The following IFNAR2 variants were observed in gnomAD, a reference collection of about 807,000 sequenced individuals.
The protein encoded by IFNAR2 is interferon alpha/beta receptor 2.
Under a neutral mutation model 49.4 loss-of-function variants are expected in IFNAR2, and 30 were observed. The observed-to-expected ratio is 0.61, with a 90% CI of 0.45 to 0.82. The LOEUF is 0.82. Ranked by LOEUF, IFNAR2 falls within the 40% of genes least tolerant of loss-of-function variation. The probability of loss-of-function intolerance (pLI) is 0.00; values close to 1 mark genes in which losing one functional copy is unlikely to be tolerated. For synonymous variants in IFNAR2, 224 were observed against 234.5 expected (o/e 0.96, Z 0.41); for missense variants, 600 against 622.7 (o/e 0.96, Z 0.39).
chr21:33,234,726 CCA>C (rs1234850710), intron 1 of IFNAR2: 1 of 984,674 alleles, frequency 1.0e-6, no homozygotes, highest in Non-Finnish European at 1.2e-6. Context: ...ATGGAGAAGG[CCA>C]CAGTGTCACA....
rs138202454 is a variant in IFNAR2, at chr21:33,252,916, G to T, written c.709+86G>T. 214 of 1,089,034 alleles carry T rather than the reference G, an allele frequency of 2.0e-4. No individual in the cohort carries two copies. In the African/African-American group the frequency reaches 3.0e-3, roughly 15 times the overall value. The allele number at this position is 1,089,034 out of a possible 1,614,324, so 67.5% of individuals were successfully genotyped here. On this transcript the variant is annotated intron_variant, in intron 7 of 8. Coordinates refer to ENST00000342136, the MANE Select transcript of IFNAR2 (RefSeq NM_001289125.3). Reference sequence around the variant, plus strand: ...CTATTTAAAGAAAAGAATCTGAAAAGAATTCATGGAGCACTAAAGGTCTTT... The same window carrying T: ...CTATTTAAAGAAAAGAATCTGAAAATAATTCATGGAGCACTAAAGGTCTTT...
intron 5 of IFNAR2, 139 bp from the exon 6 acceptor site, chr21:33,248,570 G>C (rs1305014789): frequency 4.8e-6 from 3 of 619,102 alleles, no homozygotes; most frequent in Non-Finnish European, 7.9e-6. Context: ...TAGTGGAATA[G>C]CATTAGCAAT....
In IFNAR2 at chr21:33,265,511, A is replaced by G. The variant is rs533371084; in HGVS notation, c.*2011A>G. ...ATTGAATCAATTTATCTGCCTTCTC[A>G]GTGCATCTGTCATATTCTGAAAGAT... is the stretch of plus-strand genomic sequence containing the variant. On this transcript the variant is annotated 3_prime_UTR_variant, in exon 9 of 9. Transcript: ENST00000342136. 2.6e-4 allele frequency: 40 copies of G among 156,120 alleles called. No homozygotes were observed. Among genetic ancestry groups the G allele is most frequent in the Non-Finnish European group, 4.4e-4 (31 of 69,818 alleles). The allele number at this position is 156,120 out of a possible 1,614,324, so 9.7% of individuals were successfully genotyped here.
chr21:33,252,521 G>T, intron 6 of IFNAR2, 141 bp from the exon 7 acceptor site: 1 of 1,442,120 alleles, frequency 6.9e-7, no homozygotes. Flanking sequence ...ACTTGCTCCA[G>T]ATGACTTATA....
chr21:33,235,308 T>C (rs1986364769), intron 1 of IFNAR2, among the ~76,000 whole-genome samples: 1 of 152,180 alleles, frequency 6.6e-6, no homozygotes, highest in African/African-American at 2.4e-5. Flanking sequence ...TTTACCCAGC[T>C]GCTACTCAAG....
chr21:33,257,782 G>A (rs1988307018), intron 7 of IFNAR2, among the ~76,000 whole-genome samples: 1 of 152,146 alleles, frequency 6.6e-6, no homozygotes. Context: ...GCAGACACGT[G>A]CGGCAGCAGT....
At position 33,230,067 on chromosome 21, in the gene IFNAR2, C is replaced by A; in HGVS notation, c.-233C>A. ...CAGCCCGCGGACCACCACCCGGCCG[C>A]ACGGGCCGCTTTTGTCCCCCGCCCG... On this transcript the variant is annotated 5_prime_UTR_variant, in exon 1 of 9. Coordinates refer to ENST00000342136, the MANE Select transcript of IFNAR2 (RefSeq NM_001289125.3). This position sits in a 1 kb window ranked among gnomAD's most constrained non-coding sequence, Gnocchi z 5.5. The A allele has an allele frequency of 1.0e-6, 1 of 986,958 alleles. No individual in the cohort carries two copies. The allele number at this position is 986,958 out of a possible 1,614,324, so 61.1% of individuals were successfully genotyped here. A position where few individuals can be genotyped will look rare whatever the true frequency, so the allele number is the denominator to read the frequency against.
chr21:33,234,183 CTGTG>C lies in IFNAR2; in HGVS notation c.-84+4005_-84+4008del, dbSNP rs61686449. ...TCCCAAGTAACATTAAACAGAAACA[CTGTG>C]TGTGTGTGTGTGTGTGTGTGTGTGT... is the stretch of plus-strand genomic sequence containing the variant. On this transcript the variant is annotated intron_variant, in intron 1 of 8. Transcript: ENST00000342136. 5.9e-3 allele frequency among the ~76,000 whole-genome samples: 826 copies of C among 140,782 alleles called. 7 individuals are homozygous for C. Among genetic ancestry groups the C allele is most frequent in the African/African-American group, 0.015 (560 of 37,618 alleles). 92.4% of individuals were successfully genotyped at this position (140,782 alleles called of 152,430 possible).
At chr21:33,251,938 C>G (rs1351126377) in intron 6 of IFNAR2, 1 of 178,284 alleles carries the variant, frequency 5.6e-6, no homozygotes, top group African/African-American at 2.4e-5. Context: ...CAAAAATTAG[C>G]CAGGCATGGT....
At position 33,262,803 on chromosome 21, in the gene IFNAR2, A is replaced by C. The variant is rs771186711; in HGVS notation, c.851A>C (p.Asn284Thr). 3 of 1,582,314 alleles carry C rather than the reference A, an allele frequency of 1.9e-6. No homozygotes were observed. The South Asian group carries it at 3.5e-5, about 19-fold the overall frequency. ...TTTTTTTTTTTTAAGAATTTTCATA[A>C]CTTTTTAGCCTGGCCATTTCCTAAC... ...NSLPKVLNFH[N>T]FLAWPFPNLP... Residue 284 changes from asparagine (N) to threonine (T), a missense_variant, in exon 9 of 9, where the codon AAC becomes ACC. Coordinates refer to ENST00000342136, the MANE Select transcript of IFNAR2 (RefSeq NM_001289125.3).
intron 1 of IFNAR2, among the ~76,000 whole-genome samples, chr21:33,232,310 A>G (rs1986120609): frequency 6.6e-6 from 1 of 152,214 alleles, no homozygotes; most frequent in Admixed American, 6.5e-5. Flanking sequence ...TTCAGGGAAG[A>G]ATAAAGGAAA....
chr21:33,242,326 A>G (rs1295717869), intron 2 of IFNAR2, among the ~76,000 whole-genome samples: 1 of 152,206 alleles, frequency 6.6e-6, no homozygotes, highest in Non-Finnish European at 1.5e-5. Flanking sequence ...TTAATTAGCA[A>G]CATGCTTATT....
At chr21:33,257,522 C>T (rs747917759) in intron 7 of IFNAR2, among the ~76,000 whole-genome samples, 9 of 151,862 alleles carry the variant, frequency 5.9e-5, no homozygotes, top group Admixed American at 2.0e-4. Context: ...TGATTGGCTA[C>T]TTTTAGGATC....
intron 1 of IFNAR2, among the ~76,000 whole-genome samples, chr21:33,233,438 A>G (rs981760190): frequency 6.6e-6 from 1 of 152,324 alleles, no homozygotes; most frequent in East Asian, 1.9e-4. Flanking sequence ...GGCCAAAGGA[A>G]CATGCCATGT....
rs1988764626 is a variant in IFNAR2 at position 33,263,219 on chromosome 21, T to C, written c.1267T>C (p.Phe423Leu). ...GGAGGGGTCTGGGGGCAGAATTACC[T>C]TCAATGTGGACTTAAACTCTGTGTT... ...STEGSGGRIT[F>L]NVDLNSVFLR... is the part of the protein sequence containing the mutation. Residue 423 changes from phenylalanine (F) to leucine (L), a missense_variant, in exon 9 of 9, where the codon TTC (phenylalanine) becomes CTC (leucine). Phe to Leu is a conservative substitution (Grantham distance 22). Transcript: ENST00000342136. 6.2e-7 allele frequency: 1 copy of C among 1,614,090 alleles called. No individual in the cohort carries two copies.
At chr21:33,248,561 A>C in intron 5 of IFNAR2, 148 bp from the exon 6 acceptor site, 1 of 550,832 alleles carries the variant, frequency 1.8e-6, no homozygotes, top group Middle Eastern at 2.8e-4. Context: ...ACAGTCACTT[A>C]GTGGAATAGC....
At chr21:33,246,605 A>T in intron 4 of IFNAR2, 113 bp from the exon 5 acceptor site, 1 of 726,526 alleles carries the variant, frequency 1.4e-6, no homozygotes, top group Non-Finnish European at 2.2e-6. Context: ...ATCACTTAAT[A>T]CAATGATATT....
intron 6 of IFNAR2, chr21:33,252,244 TGGAGGTAATGCCTATTTTGCA>T (rs1987905368): frequency 2.2e-6 from 1 of 462,880 alleles, no homozygotes; most frequent in African/African-American, 2.0e-5. Flanking sequence ...ATCCGTTGAA[TGGAGGTAATGCCTATTTTGCA>T]GACTGTTTTG....
intron 4 of IFNAR2, among the ~76,000 whole-genome samples, chr21:33,245,366 T>C (rs1987322668): frequency 6.6e-6 from 1 of 152,234 alleles, no homozygotes; most frequent in South Asian, 2.1e-4. Context: ...AATTCTTGTG[T>C]ATGGGTTAGG....
Sources: gnomAD v4.1 joint callset for allele counts (sites outside exome capture counted in the v4.1 genomes callset) on GRCh38, gnomAD v4.1.1 for gene constraint, Gnocchi (gnomAD v3.1) non-coding constraint, MANE v1.5 for transcripts, NCBI Gene and HGNC (gene_info 2026-07-23, HGNC 2026-07-21) for gene names.